The following UBE2O variants were observed in gnomAD, a reference collection of about 807,000 sequenced individuals.
UBE2O encodes ubiquitin conjugating enzyme E2 O.
A neutral mutation model predicts 125.8 loss-of-function variants in UBE2O; 15 were observed. The observed-to-expected ratio is 0.12, with a 90% CI of 0.08 to 0.18. The LOEUF (loss-of-function observed/expected upper bound fraction) is 0.18. Ranked by LOEUF, UBE2O falls within the 10% of genes least tolerant of loss-of-function variation. The probability of loss-of-function intolerance (pLI) is 1.00; values close to 1 mark genes in which losing one functional copy is unlikely to be tolerated. For synonymous variants in UBE2O, 708 were observed against 703.2 expected, an observed-to-expected ratio of 1.01 and a Z score of -0.11; for missense variants, 1,280 against 1,723.6, an observed-to-expected ratio of 0.74 and a Z score of 4.56.
In UBE2O at chr17:76,402,772, G is replaced by T; in HGVS notation, c.589-73C>A. ...ATGTCCAGGGCACAGATTCCTCTAT[G>T]CCCCACCGAAGACAGGATGGGGGAG... is the stretch of plus-strand genomic sequence containing the variant. On this transcript the variant is annotated intron_variant, in intron 3 of 17. Transcript: ENST00000319380. This position sits in a 1 kb window ranked among gnomAD's most constrained non-coding sequence, Gnocchi z 5.4. 1.5e-6 allele frequency: 2 copies of T among 1,294,038 alleles called. No homozygotes were observed. Among genetic ancestry groups the T allele is most frequent in the Non-Finnish European group, 2.2e-6 (2 of 890,576 alleles). The allele number at this position is 1,294,038 out of a possible 1,614,324, so 80.2% of individuals were successfully genotyped here. A position where few individuals can be genotyped will look rare whatever the true frequency, so the allele number is the denominator to read the frequency against.
At chr17:76,428,690 G>A (rs181333476) in intron 1 of UBE2O, among the ~76,000 whole-genome samples, 324 of 152,236 alleles carry the variant, frequency 2.1e-3, no homozygotes, top group Non-Finnish European at 3.3e-3. Context: ...TTAAAAGTGA[G>A]GCAATAAGAG....
At chr17:76,426,657 C>T (rs944310256) in intron 1 of UBE2O, among the ~76,000 whole-genome samples, 2 of 152,112 alleles carry the variant, frequency 1.3e-5, no homozygotes, top group African/African-American at 4.8e-5. Flanking sequence ...AATCAATATC[C>T]CTCCTACACT....
intron 1 of UBE2O, among the ~76,000 whole-genome samples, chr17:76,451,215 A>G (rs1219856401): frequency 1.3e-5 from 2 of 152,222 alleles, no homozygotes; most frequent in African/African-American, 2.4e-5. Flanking sequence ...AAACTCACAG[A>G]AAGACACCAG....
intron 1 of UBE2O, among the ~76,000 whole-genome samples, chr17:76,449,183 A>C (rs1598627850): frequency 6.6e-6 from 1 of 152,270 alleles, no homozygotes; most frequent in Non-Finnish European, 1.5e-5. Context: ...CTTGAGACTA[A>C]GATTAAGCCT....
chr17:76,413,197 C>G (rs941747587), intron 1 of UBE2O, among the ~76,000 whole-genome samples: 2 of 152,176 alleles, frequency 1.3e-5, no homozygotes, highest in Non-Finnish European at 2.9e-5. Context: ...TTGCAAGAAT[C>G]TGACGTAGGG....
At chr17:76,428,806 ACC>A (rs747058420) in intron 1 of UBE2O, among the ~76,000 whole-genome samples, 1 of 152,116 alleles carries the variant, frequency 6.6e-6, no homozygotes, top group Non-Finnish European at 1.5e-5. Context: ...CATATTGTGT[ACC>A]CATGTCAATT....
At chr17:76,413,188 TG>T (rs2072545560) in intron 1 of UBE2O, among the ~76,000 whole-genome samples, 1 of 152,216 alleles carries the variant, frequency 6.6e-6, no homozygotes, top group African/African-American at 2.4e-5. Context: ...TTAAAGATTT[TG>T]CAAGAATCTG....
chr17:76,447,201 T>C lies in UBE2O; in HGVS notation c.417+5524A>G, dbSNP rs935073366. ...TTGGATCAGGGCACTCGGTCACGTA[T>C]AGTAATGATCTCTGAATCCTGAACT... is the stretch of plus-strand genomic sequence containing the variant. On this transcript the variant is annotated intron_variant, in intron 1 of 17. Transcript: ENST00000319380. 3.1e-4 allele frequency among the ~76,000 whole-genome samples: 47 copies of C among 152,264 alleles called. 1 individual carries two copies. The highest frequency in any genetic ancestry group is 5.0e-4 in the Non-Finnish European group (34 of 68,054).
chr17:76,413,344 C>T (rs1314021368), intron 1 of UBE2O, among the ~76,000 whole-genome samples: 1 of 152,030 alleles, frequency 6.6e-6, no homozygotes, highest in East Asian at 1.9e-4. Context: ...CTGCGGAAAT[C>T]GTAGAATGGC....
At chr17:76,411,220 C>T (rs1028050886) in intron 1 of UBE2O, among the ~76,000 whole-genome samples, 5 of 151,360 alleles carry the variant, frequency 3.3e-5, no homozygotes, top group African/African-American at 1.2e-4. Flanking sequence ...GCCATGTTAC[C>T]CAGGCTGGTC....
Position 76,390,998 on chromosome 17 carries a change from T to G in UBE2O, c.3824A>C (p.Gln1275Pro). 2 of 1,613,658 alleles carry G rather than the reference T, an allele frequency of 1.2e-6. No individual in the cohort carries two copies. Among genetic ancestry groups the G allele is most frequent in the Non-Finnish European group, 1.7e-6 (2 of 1,179,944 alleles). Residue 1275 changes from glutamine to proline, a missense_variant, in exon 18 of 18, where the codon CAG (glutamine) becomes CCG (proline). Gln to Pro is a moderately conservative substitution (Grantham distance 76). Transcript: ENST00000319380. ...TGCCTCTAGCAGGGCAGCCCGGAAC[T>G]GCGTCAGGACACCCCGGATGCTCTT... The part of the protein sequence containing the change: ...FIKSIRGVLT[Q>P]FRAALLEAGM...
In UBE2O at chr17:76,402,061, T is replaced by TA; in HGVS notation, c.750+2dup. ...GGGTGCTGGCCTGGATGGAGCACAC[T>TA]ACCGAGTCGCTGACGTGCGGGCAGA... is the stretch of plus-strand genomic sequence containing the variant. On this transcript the variant is annotated splice_region_variant and intron_variant, in intron 5 of 17. Coordinates refer to ENST00000319380, the MANE Select transcript of UBE2O (RefSeq NM_022066.4). The surrounding 1 kb of genome is among the most constrained non-coding windows in gnomAD (Gnocchi z 5.4). 1 of 1,613,522 alleles carries TA rather than the reference T, an allele frequency of 6.2e-7. No individual in the cohort carries two copies. The highest frequency in any genetic ancestry group is 8.5e-7 in the Non-Finnish European group (1 of 1,179,928).
Position 76,396,537 on chromosome 17 carries a change from C to T in UBE2O, c.2400G>A (p.Glu800=). The stretch of plus-strand genomic sequence containing the variant: ...TGGGTGGCCCGTCCTTGCCAGCCTT[C>T]TCCATCAGCCCGGCCATGGGGGCAG... ...AMAAPMAGLM[E]KAGKDGPPKS... Residue 800 remains glutamate, a synonymous_variant, in exon 14 of 18, where the codon GAG becomes GAA. Transcript: ENST00000319380. The surrounding 1 kb of genome is among the most constrained non-coding windows in gnomAD (Gnocchi z 6.7). 6.2e-7 allele frequency: 1 copy of T among 1,612,880 alleles called. No homozygotes were observed.
At chr17:76,449,453 T>C (rs1480949859) in intron 1 of UBE2O, among the ~76,000 whole-genome samples, 1 of 152,168 alleles carries the variant, frequency 6.6e-6, no homozygotes, top group Admixed American at 6.5e-5. Context: ...CGCATGCCCA[T>C]AATCCCAGCT....
At chr17:76,428,452 T>C (rs2072847788) in intron 1 of UBE2O, among the ~76,000 whole-genome samples, 1 of 152,274 alleles carries the variant, frequency 6.6e-6, no homozygotes, top group African/African-American at 2.4e-5. Context: ...ATGGTTTTAA[T>C]TTCCGAGAAC....
intron 1 of UBE2O, among the ~76,000 whole-genome samples, chr17:76,438,880 G>A (rs772990267): frequency 6.6e-6 from 1 of 152,074 alleles, no homozygotes; most frequent in African/African-American, 2.4e-5. Context: ...CATAGGTGAC[G>A]CCATGCACAC....
chr17:76,433,346 C>G (rs1042347853), intron 1 of UBE2O, among the ~76,000 whole-genome samples: 1 of 147,842 alleles, frequency 6.8e-6, no homozygotes, highest in African/African-American at 2.5e-5. Context: ...ACGAAGGCCA[C>G]ATCTAGTATG....
rs1428451932 is a variant in UBE2O at position 76,405,132 on chromosome 17, T to C, written c.588+74A>G. The C allele has an allele frequency of 5.2e-6, 6 of 1,154,524 alleles. No homozygotes were observed. The highest frequency in any genetic ancestry group is 7.5e-6 in the Non-Finnish European group (6 of 797,476). 71.5% of individuals were successfully genotyped at this position (1,154,524 alleles called of 1,614,324 possible). ...TGCTTGGCAAGAGCACGGAGGAGGC[T>C]GTAGCCCAGAGGTCGTGCCGCCGAG... On this transcript the variant is annotated intron_variant, in intron 3 of 17. Coordinates refer to ENST00000319380, the MANE Select transcript of UBE2O (RefSeq NM_022066.4). This position sits in a 1 kb window ranked among gnomAD's most constrained non-coding sequence, Gnocchi z 6.1.
At chr17:76,425,123 G>C (rs1202283417) in intron 1 of UBE2O, among the ~76,000 whole-genome samples, 2 of 149,920 alleles carry the variant, frequency 1.3e-5, no homozygotes, top group Non-Finnish European at 3.0e-5. Context: ...CACCCGTCTG[G>C]GCCTCCTGAA....
Sources: gnomAD v4.1 joint callset for allele counts (sites outside exome capture counted in the v4.1 genomes callset) on GRCh38, gnomAD v4.1.1 for gene constraint, Gnocchi (gnomAD v3.1) non-coding constraint, MANE v1.5 for transcripts, NCBI Gene and HGNC (gene_info 2026-07-23, HGNC 2026-07-21) for gene names.